The following DSCAML1 variants were observed in gnomAD, a reference collection of about 807,000 sequenced individuals.
The protein encoded by DSCAML1 is DS cell adhesion molecule like 1.
In DSCAML1, 38 loss-of-function variants were observed where a neutral mutation model predicts 200.5. That is an observed-to-expected ratio of 0.19 (90% CI 0.15 to 0.25). DSCAML1 has a LOEUF of 0.25. DSCAML1 is among the 10% of genes least tolerant of loss of function. The probability of loss-of-function intolerance (pLI) is 1.00; values close to 1 mark genes in which losing one functional copy is unlikely to be tolerated. For missense variants in DSCAML1, 2,223 were observed against 2,858.8 expected, an observed-to-expected ratio of 0.78 and a Z score of 5.07; for synonymous variants, 1,215 against 1,165.0, an observed-to-expected ratio of 1.04 and a Z score of -0.87.
chr11:117,617,743 G>A (rs2051840950), intron 3 of DSCAML1, among the ~76,000 whole-genome samples: 1 of 148,996 alleles, frequency 6.7e-6, no homozygotes, highest in African/African-American at 2.5e-5. Flanking sequence ...AGAGCTCCCT[G>A]AAGCACCGTG....
chr11:117,675,465 T>C (rs556379743), intron 3 of DSCAML1, among the ~76,000 whole-genome samples: 26 of 144,220 alleles, frequency 1.8e-4, no homozygotes, highest in Admixed American at 5.6e-4. Flanking sequence ...GCCTGGCTGA[T>C]TGAAATTTTT....
At chr11:117,634,051 A>T (rs2052227175) in intron 3 of DSCAML1, among the ~76,000 whole-genome samples, 1 of 152,204 alleles carries the variant, frequency 6.6e-6, no homozygotes, top group African/African-American at 2.4e-5. Context: ...TGATGAATCC[A>T]GTTTTACACT....
intron 3 of DSCAML1, among the ~76,000 whole-genome samples, chr11:117,636,562 T>A (rs2052288171): frequency 6.6e-6 from 1 of 152,038 alleles, no homozygotes; most frequent in African/African-American, 2.4e-5. Context: ...CCTGCCTCAC[T>A]CCACGAAGGA....
At chr11:117,667,712 A>G (rs1015736402) in intron 3 of DSCAML1, among the ~76,000 whole-genome samples, 2 of 152,126 alleles carry the variant, frequency 1.3e-5, no homozygotes, top group Non-Finnish European at 1.5e-5. Flanking sequence ...ACAGAATCCA[A>G]CCTTCAGAGT....
At position 117,428,433 on chromosome 11, in the gene DSCAML1, T is replaced by G. The variant is rs756792352; in HGVS notation, c.6057A>C (p.Lys2019Asn). 1 of 1,544,560 alleles carries G rather than the reference T, an allele frequency of 6.5e-7. No individual in the cohort carries two copies. Among genetic ancestry groups the G allele is most frequent in the South Asian group, 1.2e-5 (1 of 81,646 alleles). Reference sequence around the variant, plus strand: ...GAAGCGAGTCCCTGGAGCCCCCCATTTTGGTGTGTGGGCCCCCGGCTCGTG... The same window carrying G: ...GAAGCGAGTCCCTGGAGCCCCCCATGTTGGTGTGTGGGCCCCCGGCTCGTG... ...EPPRAGGPHT[K>N]MGGSRDSLLE... Residue 2019 changes from lysine (K) to asparagine (N), a missense_variant, in exon 33 of 33, where the codon AAA becomes AAC. Lys to Asn is a moderately conservative substitution (Grantham distance 94). Coordinates refer to ENST00000651296, the MANE Select transcript of DSCAML1 (RefSeq NM_020693.4).
At chr11:117,721,084 C>T (rs2054034327) in intron 3 of DSCAML1, among the ~76,000 whole-genome samples, 1 of 152,220 alleles carries the variant, frequency 6.6e-6, no homozygotes, top group South Asian at 2.1e-4. Context: ...CTGACTTGCT[C>T]AGAACCTCAT....
At chr11:117,677,517 G>A (rs575339323) in intron 3 of DSCAML1, among the ~76,000 whole-genome samples, 1 of 152,094 alleles carries the variant, frequency 6.6e-6, no homozygotes, top group East Asian at 1.9e-4. Flanking sequence ...GTCCTGGGGC[G>A]GGAGAATGAG....
chr11:117,482,615 C>T (rs759062181), intron 11 of DSCAML1, among the ~76,000 whole-genome samples: 1 of 151,992 alleles, frequency 6.6e-6, no homozygotes, highest in African/African-American at 2.4e-5. Flanking sequence ...AATAGTGCTG[C>T]GTATAAGTGA....
intron 4 of DSCAML1, among the ~76,000 whole-genome samples, chr11:117,527,701 T>C (rs945236281): frequency 1.3e-5 from 2 of 152,176 alleles, no homozygotes; most frequent in African/African-American, 4.8e-5. Context: ...GATGGAGTAA[T>C]CTAAAATCCT....
chr11:117,673,250 A>G (rs1181637183), intron 3 of DSCAML1, among the ~76,000 whole-genome samples: 1 of 152,172 alleles, frequency 6.6e-6, no homozygotes, highest in Non-Finnish European at 1.5e-5. Flanking sequence ...AGGAAAATCA[A>G]TACATTCCAA....
Position 117,498,254 on chromosome 11 carries a change from C to T in DSCAML1, c.2359+5591G>A, listed in dbSNP as rs1348901783. 6.6e-6 allele frequency among the ~76,000 whole-genome samples: 1 copy of T among 152,314 alleles called. No homozygotes were observed. The highest frequency in any genetic ancestry group is 2.4e-5 in the African/African-American group (1 of 41,584). On this transcript the variant is annotated intron_variant, in intron 11 of 32. Transcript: ENST00000651296. The surrounding 1 kb of genome is among the most constrained non-coding windows in gnomAD (Gnocchi z 4.0). ...GTTTGTCACCTGTGCTGAGAGGGGC[C>T]TTGTGAGTATAGTGTGTGGACACCC...
At chr11:117,772,513 A>T (rs75696653) in intron 3 of DSCAML1, among the ~76,000 whole-genome samples, 7,156 of 152,274 alleles carry the variant, frequency 0.047, 224 homozygotes, top group Non-Finnish European at 0.068. Context: ...CAGCAGACAC[A>T]TCTGGCCCAC....
At chr11:117,539,124 A>G (rs958483128) in intron 3 of DSCAML1, among the ~76,000 whole-genome samples, 2 of 152,140 alleles carry the variant, frequency 1.3e-5, no homozygotes, top group African/African-American at 4.8e-5. Flanking sequence ...CCAAAACTCT[A>G]CGGCAGTTTT....
chr11:117,809,217 G>A (rs1030099188), intron 1 of DSCAML1, among the ~76,000 whole-genome samples: 1 of 152,244 alleles, frequency 6.6e-6, no homozygotes, highest in Non-Finnish European at 1.5e-5. Context: ...CTCATTTGGC[G>A]AAGGGGCTCA....
At chr11:117,773,998 C>G (rs953903539) in intron 3 of DSCAML1, among the ~76,000 whole-genome samples, 2 of 152,208 alleles carry the variant, frequency 1.3e-5, no homozygotes, top group African/African-American at 4.8e-5. Flanking sequence ...GTCTTGACAT[C>G]AAAGACAGCC....
chr11:117,804,596 C>A (rs1225127482), intron 1 of DSCAML1, among the ~76,000 whole-genome samples: 1 of 152,194 alleles, frequency 6.6e-6, no homozygotes, highest in African/African-American at 2.4e-5. Context: ...ATTTCTAGAC[C>A]TTTCCCTATT....
intron 1 of DSCAML1, among the ~76,000 whole-genome samples, chr11:117,791,127 G>A (rs1307643494): frequency 6.6e-6 from 1 of 152,148 alleles, no homozygotes; most frequent in Non-Finnish European, 1.5e-5. Flanking sequence ...ACAAACATCT[G>A]TTTAACAAGG....
chr11:117,511,986 G>A (rs777260673), intron 8 of DSCAML1, among the ~76,000 whole-genome samples: 15 of 152,248 alleles, frequency 9.9e-5, no homozygotes, highest in Non-Finnish European at 1.6e-4. Flanking sequence ...CTTAGTGTTA[G>A]AAAAATTCGT....
intron 3 of DSCAML1, among the ~76,000 whole-genome samples, chr11:117,604,525 C>T (rs968212452): frequency 2.6e-5 from 4 of 152,174 alleles, no homozygotes; most frequent in African/African-American, 9.7e-5. Flanking sequence ...GCACGAGGCT[C>T]CATTCTTTTG....
Sources: allele counts gnomAD v4.1 joint callset (sites outside exome capture counted in the v4.1 genomes callset), GRCh38; gene constraint gnomAD v4.1.1; non-coding constraint Gnocchi (gnomAD v3.1); transcripts MANE v1.5; gene names NCBI Gene and HGNC (gene_info 2026-07-23, HGNC 2026-07-21).